DACH2: variants seen among roughly 807,000 people sequenced by gnomAD.
DACH2 encodes dachshund homolog 2.
A neutral mutation model predicts 35.8 loss-of-function variants in DACH2; 17 were observed. The ratio of observed to expected loss-of-function variants is 0.48; its 90% CI spans 0.33 to 0.71. DACH2 has a LOEUF of 0.71. Ranked by LOEUF, DACH2 falls within the 30% of genes least tolerant of loss-of-function variation. DACH2 has a pLI of 0.02. For missense variants in DACH2, 469 were observed against 472.7 expected, an observed-to-expected ratio of 0.99 and a Z score of 0.07; for synonymous variants, 195 against 177.3, an observed-to-expected ratio of 1.10 and a Z score of -0.79.
intron 1 of DACH2, among the ~76,000 whole-genome samples, chrX:86,196,057 C>T (rs772966579): frequency 1.5e-3 from 171 of 111,715 alleles, no homozygotes; most frequent in African/African-American, 5.3e-3. Flanking sequence ...GACCATACCA[C>T]TTCTCCAGTA....
intron 1 of DACH2, among the ~76,000 whole-genome samples, chrX:86,300,886 A>G (rs2034563248): frequency 8.9e-6 from 1 of 112,094 alleles, no homozygotes; most frequent in African/African-American, 3.2e-5. Flanking sequence ...AATTATTAAA[A>G]TGGAATAAAT....
At chrX:86,472,348 C>A (rs1280307830) in intron 2 of DACH2, among the ~76,000 whole-genome samples, 1 of 111,509 alleles carries the variant, frequency 9.0e-6, no homozygotes, top group African/African-American at 3.3e-5. Flanking sequence ...ATACAGGCAA[C>A]CTCTAGAAAG....
rs756804436 is a variant in DACH2 at position 86,475,620 on chromosome X, C to A, written c.528-38659C>A. On this transcript the variant is annotated intron_variant, in intron 2 of 11. Coordinates refer to ENST00000373125, the MANE Select transcript of DACH2 (RefSeq NM_053281.3). ...GGTTTTTCCAAATATAATGTCATAT[C>A]ATCTACAAACAATGACAATTTGACT... is the stretch of plus-strand genomic sequence containing the variant. Among the ~76,000 whole-genome samples the A allele has an allele frequency of 7.9e-4, 88 of 111,755 alleles. 1 individual carries two copies. The highest frequency in any genetic ancestry group is 5.8e-4 in the Non-Finnish European group (31 of 53,156).
chrX:86,212,062 A>C (rs1265858592), intron 1 of DACH2, among the ~76,000 whole-genome samples: 2 of 111,637 alleles, frequency 1.8e-5, no homozygotes, highest in African/African-American at 6.5e-5. Context: ...TGTATAAACT[A>C]CTGTGGTTCA....
rs371580157 is a variant in DACH2 at position 86,160,041 on chromosome X, TA to T, written c.488+10944del. ...ACTAATAACTTAAAACTGCCACATG[TA>T]AAAAAAAAAACAAAAAAAACAAAGT... On this transcript the variant is annotated intron_variant, in intron 1 of 11. Transcript: ENST00000373125. Among the ~76,000 whole-genome samples, 814 of 101,390 alleles carry T rather than the reference TA, an allele frequency of 8.0e-3. 11 individuals are homozygous for T. The highest frequency in any genetic ancestry group is 0.026 in the African/African-American group (738 of 28,162). The allele number at this position is 101,390 out of a possible 115,157, so 88.0% of individuals were successfully genotyped here.
At chrX:86,478,392 G>T (rs2037881391) in intron 2 of DACH2, among the ~76,000 whole-genome samples, 1 of 110,629 alleles carries the variant, frequency 9.0e-6, no homozygotes, top group Admixed American at 9.7e-5. Context: ...TAGGGTAAAA[G>T]GTTTTTTCCT....
intron 6 of DACH2, among the ~76,000 whole-genome samples, chrX:86,715,930 T>A (rs1009027237): frequency 1.8e-5 from 2 of 111,897 alleles, no homozygotes; most frequent in African/African-American, 6.5e-5. Context: ...AATGTGACAT[T>A]TTGGACATAT....
intron 1 of DACH2, among the ~76,000 whole-genome samples, chrX:86,189,372 G>A (rs2031764576): frequency 9.0e-6 from 1 of 111,649 alleles, no homozygotes; most frequent in Non-Finnish European, 1.9e-5. Flanking sequence ...GTGTGTTTGG[G>A]GGTGTTTGGT....
At position 86,148,827 on chromosome X, in the gene DACH2, C is replaced by T. The variant is rs776307656; in HGVS notation, c.207C>T (p.Arg69=). Residue 69 remains arginine (R), a synonymous_variant, in exon 1 of 12, where the codon CGC becomes CGT. Transcript: ENST00000373125. ...GRGNTNTNEC[R]MVDMHGMKVA... ...GCAACACCAACACCAACGAGTGCCG[C>T]ATGGTCGACATGCACGGGATGAAGG... 8 of 1,209,558 alleles carry T rather than the reference C, an allele frequency of 6.6e-6. No homozygotes were observed. Among genetic ancestry groups the T allele is most frequent in the Non-Finnish European group, 8.9e-6 (8 of 895,205 alleles).
In DACH2 at chrX:86,330,642, G is replaced by A. The variant is rs779598273; in HGVS notation, c.489-46182G>A. Among the ~76,000 whole-genome samples the A allele has an allele frequency of 2.7e-5, 3 of 111,568 alleles. No homozygotes were observed. The South Asian group carries it at 1.1e-3, about 41-fold the overall frequency. ...AATTTTAAAATACTTTTTCTTAATGGTAGTATATAATTAAATGGTGTTAAT... is the reference window on the plus strand; with the variant it reads ...AATTTTAAAATACTTTTTCTTAATGATAGTATATAATTAAATGGTGTTAAT... On this transcript the variant is annotated intron_variant, in intron 1 of 11. Coordinates refer to ENST00000373125, the MANE Select transcript of DACH2 (RefSeq NM_053281.3).
intron 11 of DACH2, chrX:86,831,873 T>C: frequency 3.0e-6 from 1 of 336,496 alleles, no homozygotes; most frequent in South Asian, 6.9e-5. Context: ...CAGTCTTCAA[T>C]GTCTCCGGTG....
rs565697751 is a variant in DACH2, at chrX:86,585,133, G to A, written c.641-65903G>A. ...ACATACGCATGCATGTGTCTTTTTG[G>A]TAGAATAATTTATTTTCCTTTGGGT... is the stretch of plus-strand genomic sequence containing the variant. On this transcript the variant is annotated intron_variant, in intron 3 of 11. Transcript: ENST00000373125. Among the ~76,000 whole-genome samples, 255 of 110,495 alleles carry A rather than the reference G, an allele frequency of 2.3e-3. 8 individuals carry two copies. The South Asian group carries it at 0.095, about 41-fold the overall frequency.
At chrX:86,450,466 C>A (rs112440217) in intron 2 of DACH2, among the ~76,000 whole-genome samples, 8,533 of 111,057 alleles carry the variant, frequency 0.077, 795 homozygotes, top group African/African-American at 0.26. Flanking sequence ...TTTATCCAGT[C>A]TATCATTGAT....
intron 2 of DACH2, among the ~76,000 whole-genome samples, chrX:86,484,503 T>C (rs1239468403): frequency 8.9e-6 from 1 of 112,195 alleles, no homozygotes; most frequent in Admixed American, 9.5e-5. Flanking sequence ...AATGACAGCT[T>C]AATTTATGTG....
intron 1 of DACH2, among the ~76,000 whole-genome samples, chrX:86,335,960 G>T (rs998507309): frequency 8.9e-6 from 1 of 111,753 alleles, no homozygotes; most frequent in African/African-American, 3.3e-5. Context: ...TAGCATGAAG[G>T]GCTGTTGAAT....
rs751691442 is a variant in DACH2 at position 86,598,081 on chromosome X, G to A, written c.641-52955G>A. On this transcript the variant is annotated intron_variant, in intron 3 of 11. Coordinates refer to ENST00000373125, the MANE Select transcript of DACH2 (RefSeq NM_053281.3). ...TCTCGTGAGATTTATTCACTATCAC[G>A]AGAACAGCATGGAAAAGACCTGCCC... Among the ~76,000 whole-genome samples the A allele has an allele frequency of 4.5e-5, 5 of 110,939 alleles. No homozygotes were observed. In the East Asian group the frequency reaches 1.2e-3, roughly 26 times the overall value.
chrX:86,338,739 G>A (rs1040238127), intron 1 of DACH2, among the ~76,000 whole-genome samples: 3 of 111,646 alleles, frequency 2.7e-5, no homozygotes, highest in Non-Finnish European at 5.7e-5. Context: ...GAAGGAGATA[G>A]AGACATGAAA....
intron 1 of DACH2, among the ~76,000 whole-genome samples, chrX:86,369,070 A>G (rs1302230641): frequency 3.6e-5 from 4 of 111,068 alleles, no homozygotes; most frequent in Non-Finnish European, 5.7e-5. Flanking sequence ...CGCACAAAAT[A>G]GTTTTATTCT....
intron 2 of DACH2, among the ~76,000 whole-genome samples, chrX:86,438,463 T>TG (rs753844841): frequency 9.0e-6 from 1 of 110,861 alleles, no homozygotes; most frequent in East Asian, 2.9e-4. Context: ...TGCCCTCAGG[T>TG]GATCCACCTG....
Sources: allele counts gnomAD v4.1 joint callset (sites outside exome capture counted in the v4.1 genomes callset), GRCh38; gene constraint gnomAD v4.1.1; transcripts MANE v1.5; gene names NCBI Gene and HGNC (gene_info 2026-07-23, HGNC 2026-07-21).